Variants in PHYH observed in about 807,000 individuals in gnomAD.
PHYH encodes the protein phytanoyl-CoA dioxygenase, peroxisomal.
A neutral mutation model predicts 38.5 loss-of-function variants in PHYH; 32 were observed. The observed-to-expected ratio is 0.83, with a 90% confidence interval of 0.63 to 1.12. The LOEUF is 1.12. PHYH is among the 50% of genes most tolerant of loss of function. The pLI is 0.00. For synonymous variants in PHYH, 166 were observed against 157.9 expected (o/e 1.05, Z -0.38); for missense variants, 426 against 434.8 (o/e 0.98, Z 0.18).
chr10:13,292,190 T>C (rs981160470), intron 4 of PHYH, among the ~76,000 whole-genome samples: 7 of 152,194 alleles, frequency 4.6e-5, no homozygotes, highest in African/African-American at 1.7e-4. Context: ...GAGATATTAA[T>C]ATAGCTTTCT....
intron 6 of PHYH, among the ~76,000 whole-genome samples, chr10:13,284,766 G>C (rs72781351): frequency 0.062 from 9,395 of 152,236 alleles, 437 homozygotes; most frequent in Middle Eastern, 0.15. Flanking sequence ...CTTTATTAAA[G>C]AAATTGACAT....
At chr10:13,296,979 A>G (rs1049870724) in intron 2 of PHYH, among the ~76,000 whole-genome samples, 1 of 151,452 alleles carries the variant, frequency 6.6e-6, no homozygotes, top group Non-Finnish European at 1.5e-5. Context: ...ATAATAAAAT[A>G]TAATAAAATA....
Position 13,286,274 on chromosome 10 carries a change from A to G in PHYH, c.678+2086T>C, listed in dbSNP as rs78899561. Among the ~76,000 whole-genome samples the G allele has an allele frequency of 4.3e-4, 65 of 152,170 alleles. 1 individual carries two copies. In the East Asian group the frequency reaches 9.9e-3, roughly 23 times the overall value. Reference sequence around the variant, plus strand: ...AACGCGTCCTGCACCAGAACGTGACATTACTGTCCTTGAAGAGCCGATTTG... The same window carrying G: ...AACGCGTCCTGCACCAGAACGTGACGTTACTGTCCTTGAAGAGCCGATTTG... On this transcript the variant is annotated intron_variant, in intron 6 of 8. Transcript: ENST00000263038.
rs61851581 is a variant in PHYH, at chr10:13,292,473, C to T, written c.415-561G>A. Among the ~76,000 whole-genome samples, 453 of 152,206 alleles carry T rather than the reference C, an allele frequency of 3.0e-3. 2 individuals carry two copies. The highest frequency in any genetic ancestry group is 5.6e-3 in the Non-Finnish European group (384 of 68,024). On this transcript the variant is annotated intron_variant, in intron 4 of 8. Coordinates refer to ENST00000263038, the MANE Select transcript of PHYH (RefSeq NM_006214.4). ...CAGGAGTTAGATGAAAAATGTTAAC[C>T]CAGTAATGACATGGGTCAGAGTGGC...
In PHYH at chr10:13,294,521, C is replaced by T. The variant is rs115198308; in HGVS notation, c.321G>A (p.Ser107=). ...GLTVMRDVTI[S]KSEYAPSEKM... ...TCTCACTTGGAGCATATTCGGATTTCGAAATGGTCACATCTCTCATTACTG... is the reference window on the plus strand; with the variant it reads ...TCTCACTTGGAGCATATTCGGATTTTGAAATGGTCACATCTCTCATTACTG... Residue 107 remains serine (S), a synonymous_variant, in exon 4 of 9, where the codon TCG becomes TCA. Coordinates refer to ENST00000263038, the MANE Select transcript of PHYH (RefSeq NM_006214.4). The T allele has an allele frequency of 1.1e-3, 1,817 of 1,613,914 alleles. 5 individuals carry two copies. The highest frequency in any genetic ancestry group is 0.011 in the African/African-American group (844 of 75,034).
At chr10:13,298,159 T>C in intron 2 of PHYH, 28 bp downstream of exon 2, 1 of 1,453,254 alleles carries the variant, frequency 6.9e-7, no homozygotes, top group Non-Finnish European at 9.7e-7. Context: ...ACATAATATA[T>C]TTCAAAATCA....
At position 13,300,048 on chromosome 10, in the gene PHYH, C is replaced by A. The variant is rs1588521307; in HGVS notation, c.-6G>T. ...GCGGCGCGAAGCTGCTCCATGGCTG[C>A]GGCGCGGGGAACCCCCACCCCTCCC... On this transcript the variant is annotated 5_prime_UTR_variant, in exon 1 of 9. Transcript: ENST00000263038. 5 of 1,530,054 alleles carry A rather than the reference C, an allele frequency of 3.3e-6. No individual in the cohort carries two copies. The South Asian group carries it at 3.6e-5, about 11-fold the overall frequency. 94.8% of individuals were successfully genotyped at this position (1,530,054 alleles called of 1,614,324 possible). A position where few individuals can be genotyped will look rare whatever the true frequency, so the allele number is the denominator to read the frequency against.
chr10:13,298,102 A>G (rs904032408), intron 2 of PHYH, 85 bp downstream of exon 2: 1 of 805,634 alleles, frequency 1.2e-6, no homozygotes, highest in African/African-American at 1.7e-5. Context: ...TAATCAGGTA[A>G]CATATTATGT....
intron 4 of PHYH, among the ~76,000 whole-genome samples, chr10:13,293,513 G>A (rs944959759): frequency 1.3e-5 from 2 of 152,152 alleles, no homozygotes; most frequent in East Asian, 3.9e-4. Context: ...TGTGTCTCAG[G>A]CTGGTCTCAA....
rs781746206 is a variant in PHYH at position 13,294,567 on chromosome 10, T to A, written c.275A>T (p.Glu92Val). Residue 92 changes from glutamate to valine, a missense_variant, in exon 4 of 9, where the codon GAG becomes GTG. Glu to Val is a moderately radical substitution (Grantham distance 121, BLOSUM62 -2). Transcript: ENST00000263038. ...TACTGTTAATCCTAATGGTTTCACC[T>A]CCTTTCTGCAGATTTTTTCAAACTC... is the stretch of plus-strand genomic sequence containing the variant. ...RNEFEKICRK[E>V]VKPLGLTVMR... 1 of 1,614,114 alleles carries A rather than the reference T, an allele frequency of 6.2e-7. No homozygotes were observed. The highest frequency in any genetic ancestry group is 1.7e-5 in the Admixed American group (1 of 60,020).
intron 2 of PHYH, among the ~76,000 whole-genome samples, chr10:13,296,741 C>T (rs913566288): frequency 6.6e-5 from 9 of 136,932 alleles, no homozygotes; most frequent in African/African-American, 1.2e-4. Context: ...GGGCGGATCA[C>T]GAGGTCAGAT....
intron 3 of PHYH, 65 bp from the exon 4 acceptor site, chr10:13,294,661 CTG>C: frequency 7.0e-7 from 1 of 1,432,468 alleles, no homozygotes; most frequent in Non-Finnish European, 9.8e-7. Flanking sequence ...CTGCCCTCCT[CTG>C]TGGAAAGGGT....
intron 2 of PHYH, among the ~76,000 whole-genome samples, chr10:13,296,489 G>T (rs1293164853): frequency 1.3e-5 from 2 of 151,046 alleles, no homozygotes; most frequent in South Asian, 2.1e-4. Context: ...TAGAACCTGT[G>T]GGGGTGGAGA....
At chr10:13,298,316 C>T in intron 1 of PHYH, 71 bp from the exon 2 acceptor site, 1 of 939,952 alleles carries the variant, frequency 1.1e-6, no homozygotes, top group Admixed American at 1.8e-5. Flanking sequence ...CCTGTAATTC[C>T]AGCACTTTGG....
chr10:13,284,434 A>G (rs1023589710), intron 6 of PHYH, among the ~76,000 whole-genome samples: 4 of 152,240 alleles, frequency 2.6e-5, no homozygotes, highest in Admixed American at 6.5e-5. Flanking sequence ...ACTGCATTAT[A>G]CATGAAGATC....
chr10:13,299,729 G>A (rs1417335587), intron 1 of PHYH: 7 of 1,305,786 alleles, frequency 5.4e-6, no homozygotes, highest in Admixed American at 4.3e-5. Flanking sequence ...GGAGGGCAGG[G>A]CAACGCGGCA....
intron 4 of PHYH, among the ~76,000 whole-genome samples, chr10:13,293,540 T>A (rs532683970): frequency 6.6e-6 from 1 of 152,232 alleles, no homozygotes; most frequent in Admixed American, 6.5e-5. Context: ...GACCTCGTGA[T>A]CTGCCCACCT....
At chr10:13,279,004 A>T (rs1372498730) in intron 8 of PHYH, among the ~76,000 whole-genome samples, 3 of 147,088 alleles carry the variant, frequency 2.0e-5, no homozygotes, top group South Asian at 2.1e-4. Context: ...TTTCTGCATA[A>T]TTTTTTTTTT....
chr10:13,299,875 C>A (rs2131664867), intron 1 of PHYH, 93 bp downstream of exon 1: 1 of 1,390,152 alleles, frequency 7.2e-7, no homozygotes, highest in Non-Finnish European at 9.3e-7. Context: ...GCGAAGCGTG[C>A]GACCCCGAGG....
Sources: gnomAD v4.1 joint callset for allele counts (sites outside exome capture counted in the v4.1 genomes callset) on GRCh38, gnomAD v4.1.1 for gene constraint, MANE v1.5 for transcripts, NCBI Gene and HGNC (gene_info 2026-07-23, HGNC 2026-07-21) for gene names.